Variants in CNOT2 observed in about 807,000 individuals in gnomAD.
CNOT2 encodes the protein CC chemokine receptor 4-negative regulator of transcription 2.
In CNOT2, 7 loss-of-function variants were observed where a neutral mutation model predicts 72.1. The ratio of observed to expected loss-of-function variants is 0.10; its 90% CI spans 0.06 to 0.18. The LOEUF is 0.18. CNOT2 is among the 10% of genes least tolerant of loss of function. The probability of loss-of-function intolerance (pLI) is 1.00; values close to 1 mark genes in which losing one functional copy is unlikely to be tolerated. For missense variants in CNOT2, 345 were observed against 660.3 expected (o/e 0.52, Z 5.23); for synonymous variants, 196 against 225.6 (o/e 0.87, Z 1.17).
At chr12:70,331,514 G>T (rs1879939335) in intron 6 of CNOT2, 1 of 151,584 alleles carries the variant, frequency 6.6e-6, no homozygotes. Context: ...TTCACATTTT[G>T]TTTTTAAAAT....
rs183267483 is a variant in CNOT2 at position 70,271,503 on chromosome 12, G to A, written c.-95-6629G>A. ...ATTTTACTGCTTCTGCCTCCTGAGC[G>A]ACTGGGATTACAGGCACCCACCATC... On this transcript the variant is annotated intron_variant, in intron 1 of 15. Transcript: ENST00000229195. Among the ~76,000 whole-genome samples, 308 of 150,670 alleles carry A rather than the reference G, an allele frequency of 2.0e-3. 1 individual carries two copies. The highest frequency in any genetic ancestry group is 2.9e-3 in the Non-Finnish European group (198 of 67,806).
intron 4 of CNOT2, among the ~76,000 whole-genome samples, chr12:70,320,667 T>C (rs920237860): frequency 7.9e-5 from 12 of 151,814 alleles, no homozygotes; most frequent in Non-Finnish European, 1.6e-4. Context: ...ACCCTTACTA[T>C]AGAAATATCT....
At chr12:70,277,183 A>G (rs1231636599) in intron 1 of CNOT2, among the ~76,000 whole-genome samples, 4 of 152,122 alleles carry the variant, frequency 2.6e-5, no homozygotes, top group Non-Finnish European at 4.4e-5. Flanking sequence ...GTAGGTATGC[A>G]TACTACTTCC....
At chr12:70,310,826 C>T (rs767456270) in intron 2 of CNOT2, 69 bp from the exon 3 acceptor site, 159 of 1,368,072 alleles carry the variant, frequency 1.2e-4, no homozygotes, top group Non-Finnish European at 1.5e-4. Context: ...CTGTTTTCCA[C>T]ATAGGAGTAA....
At chr12:70,260,471 G>A (rs10748150) in intron 1 of CNOT2, among the ~76,000 whole-genome samples, 79,437 of 151,768 alleles carry the variant, frequency 0.52, 21,394 homozygotes, top group African/African-American at 0.65. Context: ...TAATTTTGGC[G>A]TATTGATTTT....
At chr12:70,313,966 CATAGCTTTGTAGACCACTTTA>C (rs1269739503) in intron 3 of CNOT2, among the ~76,000 whole-genome samples, 1 of 152,114 alleles carries the variant, frequency 6.6e-6, no homozygotes, top group Non-Finnish European at 1.5e-5. Flanking sequence ...ATTGAATTGC[CATAGCTTTGTAGACCACTTTA>C]ACATCTTGGG....
intron 1 of CNOT2, among the ~76,000 whole-genome samples, chr12:70,264,519 G>A (rs546715803): frequency 6.6e-6 from 1 of 152,138 alleles, no homozygotes; most frequent in Non-Finnish European, 1.5e-5. Flanking sequence ...GTGTAACCAC[G>A]GTCTTATGAG....
intron 7 of CNOT2, among the ~76,000 whole-genome samples, chr12:70,333,426 T>A (rs1880241610): frequency 6.6e-6 from 1 of 151,988 alleles, no homozygotes; most frequent in Non-Finnish European, 1.5e-5. Context: ...TTATTTCTTT[T>A]ATCAACTGCT....
chr12:70,322,621 G>T (rs1878476047), intron 4 of CNOT2: 1 of 151,702 alleles, frequency 6.6e-6, no homozygotes, highest in Admixed American at 6.6e-5. Flanking sequence ...CTAGATGGAA[G>T]AAGAGCTAAA....
At chr12:70,311,172 T>A (rs1024374080) in intron 3 of CNOT2, among the ~76,000 whole-genome samples, 155 bp downstream of exon 3, 5 of 152,032 alleles carry the variant, frequency 3.3e-5, no homozygotes, top group Admixed American at 2.6e-4. Flanking sequence ...CCTTTTGGGA[T>A]ACAAAGACAA....
chr12:70,340,910 T>C (rs1881408847), intron 11 of CNOT2, among the ~76,000 whole-genome samples: 1 of 135,288 alleles, frequency 7.4e-6, no homozygotes, highest in South Asian at 2.4e-4. Flanking sequence ...TTTTTTTTTT[T>C]TTGAGACAGA....
intron 2 of CNOT2, among the ~76,000 whole-genome samples, chr12:70,310,537 G>T (rs1373008735): frequency 6.6e-6 from 1 of 152,010 alleles, no homozygotes; most frequent in African/African-American, 2.4e-5. Flanking sequence ...AAATGTGGAA[G>T]ATGCATGTGA....
At position 70,303,482 on chromosome 12, in the gene CNOT2, G is replaced by T. The variant is rs527656311; in HGVS notation, c.49-7413G>T. On this transcript the variant is annotated intron_variant, in intron 2 of 15. Transcript: ENST00000229195. Reference sequence around the variant, plus strand: ...ATTTCTCCTTCACTTACGAAGCTTAGTTTGGCTGGATATGAAATTCTGGGT... The same window carrying T: ...ATTTCTCCTTCACTTACGAAGCTTATTTTGGCTGGATATGAAATTCTGGGT... 2.9e-3 allele frequency among the ~76,000 whole-genome samples: 434 copies of T among 152,268 alleles called. 5 individuals carry two copies. Among genetic ancestry groups the T allele is most frequent in the African/African-American group, 0.01 (427 of 41,550 alleles).
Position 70,338,274 on chromosome 12 carries a change from A to G in CNOT2, c.901-169A>G, listed in dbSNP as rs978988250. Reference sequence around the variant, plus strand: ...TGTGGATGATATAGGATTTATTTGTATACCATGGAACAATGATGGAAACAA... The same window carrying G: ...TGTGGATGATATAGGATTTATTTGTGTACCATGGAACAATGATGGAAACAA... On this transcript the variant is annotated intron_variant, in intron 9 of 15. Coordinates refer to ENST00000229195, the MANE Select transcript of CNOT2 (RefSeq NM_014515.7). 2.4e-5 allele frequency: 13 copies of G among 540,706 alleles called. No homozygotes were observed. The Admixed American group carries it at 3.5e-4, about 14-fold the overall frequency. The allele number at this position is 540,706 out of a possible 1,614,324, so 33.5% of individuals were successfully genotyped here.
intron 2 of CNOT2, among the ~76,000 whole-genome samples, chr12:70,305,873 GTTTTTTTTTTTT>G (rs11412509): frequency 1.7e-5 from 1 of 60,074 alleles, no homozygotes; most frequent in Non-Finnish European, 3.0e-5. Flanking sequence ...TCTGAAGTTT[GTTTTTTTTTTTT>G]TTTTTTTTTG....
chr12:70,332,906 G>A (rs1170664464), intron 7 of CNOT2, 60 bp downstream of exon 7: 4 of 1,492,310 alleles, frequency 2.7e-6, no homozygotes, highest in African/African-American at 2.9e-5. Flanking sequence ...GAAATATAAA[G>A]CAATTCAACA....
chr12:70,293,302 A>G (rs1433067479), intron 2 of CNOT2, among the ~76,000 whole-genome samples: 1 of 151,974 alleles, frequency 6.6e-6, no homozygotes, highest in Non-Finnish European at 1.5e-5. Context: ...CTGGGGTTAC[A>G]GGCATGTGCC....
intron 6 of CNOT2, 48 bp downstream of exon 6, chr12:70,330,517 C>A: frequency 7.3e-7 from 1 of 1,362,816 alleles, no homozygotes; most frequent in Non-Finnish European, 1.0e-6. Flanking sequence ...TGGGTATACT[C>A]AGATTTGCCT....
intron 6 of CNOT2, chr12:70,331,697 T>C (rs1006417831): frequency 3.3e-5 from 5 of 151,872 alleles, no homozygotes; most frequent in African/African-American, 1.2e-4. Context: ...AAAATTTCCA[T>C]TGACTTTCTG....
Sources: allele counts gnomAD v4.1 joint callset (sites outside exome capture counted in the v4.1 genomes callset), GRCh38; gene constraint gnomAD v4.1.1; transcripts MANE v1.5; gene names NCBI Gene and HGNC (gene_info 2026-07-23, HGNC 2026-07-21).